Variants in WFDC1 observed in about 807,000 individuals in gnomAD.
WFDC1 encodes WAP four-disulfide core domain protein 1.
WFDC1 carries 39 observed loss-of-function variants against 32.9 expected under a neutral mutation model. The ratio of observed to expected loss-of-function variants is 1.19; its 90% CI spans 0.92 to 1.55. The LOEUF (loss-of-function observed/expected upper bound fraction) is 1.55, where lower values mean the gene tolerates loss of function less well. WFDC1 is among the 40% of genes most tolerant of loss of function. The pLI is 0.00. For missense variants in WFDC1, 386 were observed against 309.5 expected (o/e 1.25, Z -1.85); for synonymous variants, 184 against 137.4 (o/e 1.34, Z -2.37).
Position 84,319,454 on chromosome 16 carries a change from G to T in WFDC1, c.445G>T (p.Asp149Tyr). 1.9e-6 allele frequency: 3 copies of T among 1,611,388 alleles called. No individual in the cohort carries two copies. The highest frequency in any genetic ancestry group is 1.1e-5 in the South Asian group (1 of 91,088). Reference sequence around the variant, plus strand: ...AGCAGAGGCGTGCAGCACCACGGAGGATGGGGCCGAACCCCTGCTCTGTCC... The same window carrying T: ...AGCAGAGGCGTGCAGCACCACGGAGTATGGGGCCGAACCCCTGCTCTGTCC... ...LQAEACSTTE[D>Y]GAEPLLCPSG... Residue 149 changes from aspartate to tyrosine, a missense_variant, in exon 4 of 7, where the codon GAT becomes TAT. Coordinates refer to ENST00000219454, the MANE Select transcript of WFDC1 (RefSeq NM_021197.4).
intron 1 of WFDC1, among the ~76,000 whole-genome samples, chr16:84,297,642 AAAAAAC>A (rs1445179241): frequency 4.2e-5 from 5 of 119,868 alleles, no homozygotes; most frequent in Non-Finnish European, 7.5e-5. Flanking sequence ...AAAAAAAAAA[AAAAAAC>A]TGTGCCTCAG....
At chr16:84,318,821 G>A (rs551919495) in intron 3 of WFDC1, 3 of 216,924 alleles carry the variant, frequency 1.4e-5, no homozygotes, top group East Asian at 1.0e-4. Context: ...CTGACTCCAC[G>A]TCCATCTGTG....
intron 2 of WFDC1, 71 bp downstream of exon 2, chr16:84,313,224 A>G: frequency 7.6e-7 from 1 of 1,308,196 alleles, no homozygotes; most frequent in Non-Finnish European, 9.8e-7. Context: ...GGGGGAGGGG[A>G]AGAAAGGAGC....
chr16:84,312,855 C>A, intron 1 of WFDC1, 106 bp from the exon 2 acceptor site: 4 of 640,384 alleles, frequency 6.2e-6, no homozygotes, highest in Non-Finnish European at 8.1e-6. Context: ...AGAGGAAACG[C>A]AGGCTCAGAG....
At chr16:84,309,340 G>A (rs1907470629) in intron 1 of WFDC1, among the ~76,000 whole-genome samples, 1 of 152,162 alleles carries the variant, frequency 6.6e-6, no homozygotes, top group African/African-American at 2.4e-5. Flanking sequence ...TTTGTCCCGA[G>A]GGTGCTGGGA....
At chr16:84,310,362 G>C (rs111495515) in intron 1 of WFDC1, among the ~76,000 whole-genome samples, 2,820 of 152,230 alleles carry the variant, frequency 0.019, 80 homozygotes, top group African/African-American at 0.064. Flanking sequence ...CAAAGGCCTG[G>C]AGGTGACGGC....
chr16:84,308,153 C>T (rs1292817072), intron 1 of WFDC1, among the ~76,000 whole-genome samples: 13 of 152,118 alleles, frequency 8.5e-5, no homozygotes, highest in Admixed American at 8.5e-4. Context: ...TTTCCTGCCG[C>T]ACCACCCCCC....
chr16:84,302,446 T>A (rs1597664012), intron 1 of WFDC1, among the ~76,000 whole-genome samples: 1 of 152,178 alleles, frequency 6.6e-6, no homozygotes, highest in African/African-American at 2.4e-5. Flanking sequence ...CGATGGCACA[T>A]AGAGTCCTTG....
intron 6 of WFDC1, chr16:84,327,656 A>G (rs1190966274): frequency 6.6e-6 from 1 of 152,246 alleles, no homozygotes; most frequent in African/African-American, 2.4e-5. Context: ...TTTGTGTGTG[A>G]TCAGAAGCAG....
intron 1 of WFDC1, among the ~76,000 whole-genome samples, chr16:84,296,092 C>G (rs987309819): frequency 7.2e-5 from 11 of 152,114 alleles, no homozygotes; most frequent in African/African-American, 2.2e-4. Context: ...CCTCCCACCC[C>G]CCAGAGATCA....
chr16:84,325,051 C>A (rs771312324), intron 5 of WFDC1, among the ~76,000 whole-genome samples: 1 of 151,926 alleles, frequency 6.6e-6, no homozygotes, highest in Admixed American at 6.6e-5. Flanking sequence ...ATCTTTTCAC[C>A]CACCCATCTA....
chr16:84,322,004 C>G (rs1338002598), intron 4 of WFDC1, among the ~76,000 whole-genome samples: 1 of 152,206 alleles, frequency 6.6e-6, no homozygotes, highest in African/African-American at 2.4e-5. Context: ...AGAATAGCAC[C>G]TGGCCCACTG....
intron 6 of WFDC1, chr16:84,327,182 G>C: frequency 1.9e-6 from 1 of 513,262 alleles, no homozygotes; most frequent in Non-Finnish European, 3.5e-6. Flanking sequence ...TGCCATAGAA[G>C]CTTAACTCAT....
chr16:84,294,966 G>A lies in WFDC1; in HGVS notation c.-6G>A, dbSNP rs185771367. On this transcript the variant is annotated 5_prime_UTR_variant, in exon 1 of 7. Transcript: ENST00000219454. ...TGCGTCTGGAAGGTCGCTGCCCAGG[G>A]AGGAAATGCCTTTAACCGGCGTGGG... is the stretch of plus-strand genomic sequence containing the variant. 1.2e-5 allele frequency: 20 copies of A among 1,611,004 alleles called. No homozygotes were observed. The African/African-American group carries it at 2.4e-4, about 19-fold the overall frequency.
At chr16:84,304,321 G>A (rs559114823) in intron 1 of WFDC1, among the ~76,000 whole-genome samples, 97 of 152,216 alleles carry the variant, frequency 6.4e-4, no homozygotes, top group African/African-American at 2.2e-3. Flanking sequence ...TTCTGCCTGC[G>A]TGGTTCAAAT....
At chr16:84,296,094 C>G (rs1906580893) in intron 1 of WFDC1, among the ~76,000 whole-genome samples, 1 of 152,122 alleles carries the variant, frequency 6.6e-6, no homozygotes, top group African/African-American at 2.4e-5. Flanking sequence ...TCCCACCCCC[C>G]AGAGATCACA....
chr16:84,315,588 G>A (rs1219861839), intron 2 of WFDC1, among the ~76,000 whole-genome samples: 1 of 152,150 alleles, frequency 6.6e-6, no homozygotes, highest in African/African-American at 2.4e-5. Flanking sequence ...ATTGACATTT[G>A]GGATTGGTTG....
chr16:84,305,472 A>C (rs1314267338), intron 1 of WFDC1, among the ~76,000 whole-genome samples: 1 of 152,178 alleles, frequency 6.6e-6, no homozygotes, highest in African/African-American at 2.4e-5. Context: ...ATCCAATCCC[A>C]CTTTTCACTG....
chr16:84,323,633 T>G (rs1236327183), intron 4 of WFDC1, among the ~76,000 whole-genome samples: 2 of 152,232 alleles, frequency 1.3e-5, no homozygotes, highest in South Asian at 4.1e-4. Flanking sequence ...ATGCCTATTT[T>G]TAGGAGAGGA....
Sources: allele counts gnomAD v4.1 joint callset (sites outside exome capture counted in the v4.1 genomes callset), GRCh38; gene constraint gnomAD v4.1.1; transcripts MANE v1.5; gene names NCBI Gene and HGNC (gene_info 2026-07-23, HGNC 2026-07-21).